OXR1: variants seen among roughly 807,000 people sequenced by gnomAD.
OXR1 encodes oxidation resistance protein 1.
A neutral mutation model predicts 104.6 loss-of-function variants in OXR1; 41 were observed. That is an observed-to-expected ratio of 0.39 (90% confidence interval 0.31 to 0.51). The LOEUF is 0.51. Among genes scored for constraint, OXR1 ranks in the 20% least tolerant of loss-of-function variants. The pLI is 0.77. For missense variants in OXR1, 955 were observed against 1,031.9 expected, an observed-to-expected ratio of 0.93 and a Z score of 1.02; for synonymous variants, 348 against 348.4, an observed-to-expected ratio of 1.00 and a Z score of 0.01.
At chr8:106,396,030 A>G (rs1481162902) in intron 2 of OXR1, among the ~76,000 whole-genome samples, 1 of 152,144 alleles carries the variant, frequency 6.6e-6, no homozygotes, top group Non-Finnish European at 1.5e-5. Context: ...GCTAGTTTAC[A>G]ACCCAAAGCA....
intron 2 of OXR1, among the ~76,000 whole-genome samples, chr8:106,506,589 T>C (rs753571396): frequency 6.6e-6 from 1 of 150,750 alleles, no homozygotes; most frequent in Non-Finnish European, 1.5e-5. Context: ...CCAGCCTGGG[T>C]GACAGAGCGA....
intron 1 of OXR1, among the ~76,000 whole-genome samples, chr8:106,274,926 G>A (rs1489458824): frequency 6.6e-6 from 1 of 152,232 alleles, no homozygotes; most frequent in Admixed American, 6.5e-5. Flanking sequence ...AATATGGTTT[G>A]AACCAGTGAT....
At chr8:106,431,595 T>G (rs1378761217) in intron 2 of OXR1, among the ~76,000 whole-genome samples, 3 of 152,228 alleles carry the variant, frequency 2.0e-5, no homozygotes, top group African/African-American at 7.2e-5. Flanking sequence ...ATGTTACGTA[T>G]CTATTCGTTC....
chr8:106,294,230 G>A (rs981537427), intron 1 of OXR1, among the ~76,000 whole-genome samples: 41 of 151,210 alleles, frequency 2.7e-4, no homozygotes, highest in Admixed American at 1.7e-3. Context: ...GTGAAACCCC[G>A]TCTCTTAAAG....
chr8:106,283,910 T>C (rs1236304799), intron 1 of OXR1, among the ~76,000 whole-genome samples: 1 of 152,144 alleles, frequency 6.6e-6, no homozygotes, highest in Non-Finnish European at 1.5e-5. Context: ...GGAATGCTAA[T>C]CATAGTGACA....
chr8:106,380,473 G>A (rs915920757), intron 2 of OXR1, among the ~76,000 whole-genome samples: 1 of 152,028 alleles, frequency 6.6e-6, no homozygotes, highest in African/African-American at 2.4e-5. Flanking sequence ...CATTTCTCTT[G>A]GGTATATACT....
intron 3 of OXR1, among the ~76,000 whole-genome samples, chr8:106,601,168 G>A (rs575355330): frequency 6.6e-6 from 1 of 152,252 alleles, no homozygotes; most frequent in South Asian, 2.1e-4. Flanking sequence ...CATATATTCA[G>A]TGTAGAAATT....
chr8:106,726,811 A>T (rs1833390995), intron 11 of OXR1, among the ~76,000 whole-genome samples: 1 of 152,216 alleles, frequency 6.6e-6, no homozygotes, highest in Non-Finnish European at 1.5e-5. Flanking sequence ...TTCAAACGAT[A>T]TCCTAGTAAG....
At chr8:106,414,831 G>A (rs541677391) in intron 2 of OXR1, among the ~76,000 whole-genome samples, 4 of 152,158 alleles carry the variant, frequency 2.6e-5, no homozygotes. Context: ...AAGATAAGGA[G>A]TATGGACTTA....
chr8:106,380,988 G>A (rs1224985428), intron 2 of OXR1, among the ~76,000 whole-genome samples: 1 of 152,130 alleles, frequency 6.6e-6, no homozygotes, highest in Non-Finnish European at 1.5e-5. Context: ...GAAACACAGG[G>A]TAGCAGTGGG....
Position 106,684,362 on chromosome 8 carries a change from A to G in OXR1, c.525+3A>G. 2 of 1,415,486 alleles carry G rather than the reference A, an allele frequency of 1.4e-6. No individual in the cohort carries two copies. The highest frequency in any genetic ancestry group is 1.0e-6 in the Non-Finnish European group (1 of 999,520). 87.7% of individuals were successfully genotyped at this position (1,415,486 alleles called of 1,614,324 possible). The stretch of plus-strand genomic sequence containing the variant: ...AGGCTGAATTTGATAAGACCACTGT[A>G]AGTATCTCTGCTTTGCAAAGATGGC... On this transcript the variant is annotated splice_donor_region_variant and intron_variant, in intron 6 of 16. Transcript: ENST00000517566.
chr8:106,638,836 G>A (rs1390887988), intron 3 of OXR1, among the ~76,000 whole-genome samples: 1 of 150,676 alleles, frequency 6.6e-6, no homozygotes, highest in Non-Finnish European at 1.5e-5. Flanking sequence ...GAGGTTGCAA[G>A]TGAGCAGATA....
intron 2 of OXR1, among the ~76,000 whole-genome samples, chr8:106,474,012 TACACACACAC>T (rs199751152): frequency 0.098 from 13,428 of 137,344 alleles, 777 homozygotes; most frequent in African/African-American, 0.16. Context: ...TGTATATTTA[TACACACACAC>T]ACACACACAC....
intron 2 of OXR1, among the ~76,000 whole-genome samples, chr8:106,470,489 G>T (rs1308830952): frequency 6.6e-6 from 1 of 151,742 alleles, no homozygotes; most frequent in Non-Finnish European, 1.5e-5. Flanking sequence ...AGACTGGGGG[G>T]TAGAATAGTT....
At chr8:106,633,841 A>G (rs1346943022) in intron 3 of OXR1, among the ~76,000 whole-genome samples, 4 of 152,210 alleles carry the variant, frequency 2.6e-5, no homozygotes, top group African/African-American at 9.6e-5. Flanking sequence ...TAGATTTCCC[A>G]AAGTGTCAAG....
chr8:106,288,218 G>A (rs1333113833), intron 1 of OXR1, among the ~76,000 whole-genome samples: 1 of 152,092 alleles, frequency 6.6e-6, no homozygotes, highest in Non-Finnish European at 1.5e-5. Context: ...CTTAAATTTT[G>A]TGAAATTAAG....
intron 3 of OXR1, among the ~76,000 whole-genome samples, chr8:106,551,718 C>A (rs892935905): frequency 6.7e-6 from 1 of 150,348 alleles, no homozygotes; most frequent in African/African-American, 2.4e-5. Context: ...GAGGCTGAGG[C>A]GGGAGGATCA....
intron 2 of OXR1, among the ~76,000 whole-genome samples, chr8:106,387,146 A>G (rs1463024497): frequency 6.6e-6 from 1 of 152,260 alleles, no homozygotes; most frequent in Non-Finnish European, 1.5e-5. Flanking sequence ...CATTAGTGCC[A>G]TGCCTCTTAC....
In OXR1 at chr8:106,720,119, T is replaced by G. The variant is rs183650302; in HGVS notation, c.1956+6134T>G. Among the ~76,000 whole-genome samples the G allele has an allele frequency of 2.9e-3, 438 of 152,314 alleles. 2 individuals carry two copies. The highest frequency in any genetic ancestry group is 4.1e-3 in the Non-Finnish European group (282 of 68,030). On this transcript the variant is annotated intron_variant, in intron 11 of 16. Coordinates refer to ENST00000517566, the MANE Select transcript of OXR1 (RefSeq NM_001198533.2). ...CCGTGTCTGGCCCAGATAATTTCTT[T>G]AAGCTGGTTTTTTATTTGGCTAAAA... is the stretch of plus-strand genomic sequence containing the variant.
Sources: allele counts gnomAD v4.1 joint callset (sites outside exome capture counted in the v4.1 genomes callset), GRCh38; gene constraint gnomAD v4.1.1; transcripts MANE v1.5; gene names NCBI Gene and HGNC (gene_info 2026-07-23, HGNC 2026-07-21).